The following PUS7 variants were observed in gnomAD, a reference collection of about 807,000 sequenced individuals.
PUS7 encodes pseudouridine synthase 7.
In PUS7, 48 loss-of-function variants were observed where a neutral mutation model predicts 79.8. The ratio of observed to expected loss-of-function variants is 0.60; its 90% CI spans 0.48 to 0.76. The LOEUF (loss-of-function observed/expected upper bound fraction) is 0.76. PUS7 is among the 30% of genes least tolerant of loss of function. The pLI is 0.00. For missense variants in PUS7, 729 were observed against 797.6 expected (o/e 0.91, Z 1.04); for synonymous variants, 286 against 272.2 (o/e 1.05, Z -0.50).
At chr7:105,510,113 C>T (rs1825646593) in intron 1 of PUS7, among the ~76,000 whole-genome samples, 1 of 152,172 alleles carries the variant, frequency 6.6e-6, no homozygotes, top group Admixed American at 6.5e-5. Flanking sequence ...CCAGCCCGAT[C>T]AACAAGGAGA....
chr7:105,488,466 C>G (rs565569516), intron 7 of PUS7, among the ~76,000 whole-genome samples: 1 of 152,142 alleles, frequency 6.6e-6, no homozygotes, highest in South Asian at 2.1e-4. Flanking sequence ...AAAGACAAAC[C>G]ACATTAAAAT....
In PUS7 at chr7:105,491,614, G is replaced by T. The variant is rs769175229; in HGVS notation, c.846C>A (p.Val282=). Residue 282 remains valine, a synonymous_variant, in exon 7 of 16, where the codon GTC becomes GTA. Coordinates refer to ENST00000469408, the MANE Select transcript of PUS7 (RefSeq NM_019042.5). ...CCATGTAGGAGAATATATTTGGCTT[G>T]ACTCTGGTAAGAGAGAAACAAGATC... is the stretch of plus-strand genomic sequence containing the variant. ...AINVLSKYLR[V]KPNIFSYMGT... The T allele has an allele frequency of 6.4e-7, 1 of 1,574,176 alleles. No homozygotes were observed. The highest frequency in any genetic ancestry group is 8.7e-7 in the Non-Finnish European group (1 of 1,144,666).
At position 105,502,451 on chromosome 7, in the gene PUS7, G is replaced by C; in HGVS notation, c.699C>G (p.Ala233=). ...EDREGKKYIV[A]YHAAGKKALA... The stretch of plus-strand genomic sequence containing the variant: ...AAGCCTTTTTCCCAGCTGCGTGGTA[G>C]GCTACAATGTATTTCTTCCCCTCCC... The change falls in exon 5 of 16, where the codon GCC becomes GCG. Residue 233 remains alanine (A), a synonymous_variant. Transcript: ENST00000469408. 2 of 1,614,096 alleles carry C rather than the reference G, an allele frequency of 1.2e-6. No homozygotes were observed. The highest frequency in any genetic ancestry group is 1.7e-6 in the Non-Finnish European group (2 of 1,180,006).
At chr7:105,480,090 A>G (rs1350371062) in intron 9 of PUS7, among the ~76,000 whole-genome samples, 3 of 152,232 alleles carry the variant, frequency 2.0e-5, no homozygotes, top group Non-Finnish European at 4.4e-5. Flanking sequence ...AAAATGTGAC[A>G]TCTCTGTCTG....
chr7:105,460,715 G>A (rs575455271), intron 14 of PUS7, among the ~76,000 whole-genome samples: 4 of 151,340 alleles, frequency 2.6e-5, no homozygotes, highest in South Asian at 2.1e-4. Flanking sequence ...TTAGCCGGAC[G>A]TGGTAGCGGG....
intron 11 of PUS7, 140 bp downstream of exon 11, chr7:105,470,548 C>T (rs1308298720): frequency 2.1e-6 from 2 of 960,168 alleles, no homozygotes; most frequent in Non-Finnish European, 2.9e-6. Context: ...AAAGACTACT[C>T]AGGTGAAACA....
At position 105,508,372 on chromosome 7, in the gene PUS7, T is replaced by C. The variant is rs373504028; in HGVS notation, c.141A>G (p.Leu47=). Residue 47 remains leucine (L), a synonymous_variant, in exon 2 of 16, where the codon CTA becomes CTG. Transcript: ENST00000469408. ...ECSLTKGQDG[L]QNDFLSISED... is the part of the protein sequence containing the mutation. ...CACTGATGGACAGAAAGTCATTCTG[T>C]AGCCCATCTTGACCTTTGGTTAGAC... 9 of 1,614,014 alleles carry C rather than the reference T, an allele frequency of 5.6e-6. No homozygotes were observed. In the African/African-American group the frequency reaches 6.7e-5, roughly 12 times the overall value.
Position 105,457,653 on chromosome 7 carries a change from TA to T in PUS7, c.*136del. ...ATTGCAAATTATTTCTTTAAGCTAA[TA>T]AAAACTTAAAAATACAAATAATTTT... On this transcript the variant is annotated 3_prime_UTR_variant, in exon 16 of 16. Coordinates refer to ENST00000469408, the MANE Select transcript of PUS7 (RefSeq NM_019042.5). 1.1e-6 allele frequency: 1 copy of T among 874,498 alleles called. No individual in the cohort carries two copies. The highest frequency in any genetic ancestry group is 1.6e-6 in the Non-Finnish European group (1 of 608,646). The allele number at this position is 874,498 out of a possible 1,614,324, so 54.2% of individuals were successfully genotyped here.
At chr7:105,511,095 G>A (rs1042963262) in intron 1 of PUS7, among the ~76,000 whole-genome samples, 10 of 151,528 alleles carry the variant, frequency 6.6e-5, no homozygotes, top group Admixed American at 5.3e-4. Context: ...GCAGTGGCAC[G>A]ATCTTGGCTT....
chr7:105,509,139 G>A (rs1336624555), intron 1 of PUS7, among the ~76,000 whole-genome samples: 1 of 127,770 alleles, frequency 7.8e-6, no homozygotes, highest in African/African-American at 3.0e-5. Context: ...AGCAGAGATC[G>A]AGCCACTGCA....
chr7:105,500,213 G>A (rs1451183536), intron 5 of PUS7, among the ~76,000 whole-genome samples: 1 of 152,076 alleles, frequency 6.6e-6, no homozygotes, highest in African/African-American at 2.4e-5. Context: ...TCTTACTGAA[G>A]GTGTCCAAAC....
chr7:105,477,203 G>A (rs1412776530), intron 9 of PUS7, among the ~76,000 whole-genome samples: 1 of 152,022 alleles, frequency 6.6e-6, no homozygotes, highest in Non-Finnish European at 1.5e-5. Context: ...GTTTGCATAA[G>A]TGCAGCTCTT....
In PUS7 at chr7:105,475,684, T is replaced by C. The variant is rs574013191; in HGVS notation, c.1176-3491A>G. Among the ~76,000 whole-genome samples, 234 of 152,308 alleles carry C rather than the reference T, an allele frequency of 1.5e-3. 1 individual carries two copies. The highest frequency in any genetic ancestry group is 2.9e-3 in the Non-Finnish European group (196 of 68,026). Reference sequence around the variant, plus strand: ...TCTACCTTCTTTTATTTTATTGTGGTAAAATACATGTAATAACATTTACCT... The same window carrying C: ...TCTACCTTCTTTTATTTTATTGTGGCAAAATACATGTAATAACATTTACCT... On this transcript the variant is annotated intron_variant, in intron 9 of 15. Coordinates refer to ENST00000469408, the MANE Select transcript of PUS7 (RefSeq NM_019042.5).
intron 9 of PUS7, among the ~76,000 whole-genome samples, chr7:105,480,777 A>G (rs765648714): frequency 2.6e-5 from 4 of 152,262 alleles, no homozygotes; most frequent in Middle Eastern, 6.8e-3. Flanking sequence ...ACTCTGTCTC[A>G]GAAAAAATAA....
At chr7:105,504,882 C>T (rs1308660095) in intron 4 of PUS7, among the ~76,000 whole-genome samples, 2 of 151,996 alleles carry the variant, frequency 1.3e-5, no homozygotes, top group African/African-American at 4.8e-5. Flanking sequence ...AGACAAGGAG[C>T]AGATAATGAA....
chr7:105,499,770 A>G (rs1040451326), intron 5 of PUS7, among the ~76,000 whole-genome samples: 4 of 152,228 alleles, frequency 2.6e-5, no homozygotes, highest in African/African-American at 7.2e-5. Context: ...AATGCATAAT[A>G]ACAATTTCTA....
chr7:105,501,006 T>C (rs865809385), intron 5 of PUS7, among the ~76,000 whole-genome samples: 1 of 152,178 alleles, frequency 6.6e-6, no homozygotes, highest in African/African-American at 2.4e-5. Context: ...TGGCCTCTGA[T>C]CTCCACCTCT....
intron 4 of PUS7, among the ~76,000 whole-genome samples, chr7:105,504,158 C>G (rs1162866680): frequency 2.9e-5 from 4 of 137,564 alleles, no homozygotes; most frequent in Non-Finnish European, 4.9e-5. Context: ...CAACCTCCAC[C>G]TCCCAGGTTC....
At chr7:105,476,404 C>T (rs1824113670) in intron 9 of PUS7, among the ~76,000 whole-genome samples, 1 of 152,188 alleles carries the variant, frequency 6.6e-6, no homozygotes, top group African/African-American at 2.4e-5. Flanking sequence ...TGTTGCCAGG[C>T]TGGAGTGTAG....
Sources: gnomAD v4.1 joint callset for allele counts (sites outside exome capture counted in the v4.1 genomes callset) on GRCh38, gnomAD v4.1.1 for gene constraint, MANE v1.5 for transcripts, NCBI Gene and HGNC (gene_info 2026-07-23, HGNC 2026-07-21) for gene names.